SFXN5: variants seen among roughly 807,000 people sequenced by gnomAD.
The protein encoded by SFXN5 is sideroflexin 5, also known as sideroflexin-5.
Under a neutral mutation model 50.2 loss-of-function variants are expected in SFXN5, and 43 were observed. That is an observed-to-expected ratio of 0.86 (90% CI 0.67 to 1.11). SFXN5 has a LOEUF of 1.11. Among genes scored for constraint, SFXN5 ranks in the 50% least tolerant of loss-of-function variants. The pLI is 0.00. For missense variants in SFXN5, 463 were observed against 454.1 expected (o/e 1.02, Z -0.18); for synonymous variants, 203 against 185.8 (o/e 1.09, Z -0.75).
intron 6 of SFXN5, among the ~76,000 whole-genome samples, chr2:73,019,244 G>C (rs543640640): frequency 6.6e-6 from 1 of 152,144 alleles, no homozygotes; most frequent in East Asian, 1.9e-4. Context: ...AAATATAAAA[G>C]TCAGAAAAGT....
At chr2:72,965,744 C>T (rs538248134) in intron 12 of SFXN5, among the ~76,000 whole-genome samples, 2 of 152,288 alleles carry the variant, frequency 1.3e-5, no homozygotes, top group African/African-American at 4.8e-5. Flanking sequence ...AAGTTTAAGC[C>T]CCCAAGTTAA....
intron 13 of SFXN5, among the ~76,000 whole-genome samples, chr2:72,952,107 C>T (rs1573934107): frequency 6.6e-6 from 1 of 152,212 alleles, no homozygotes; most frequent in Non-Finnish European, 1.5e-5. Flanking sequence ...CTGGTGCTGG[C>T]TCTGGGCTCC....
chr2:73,003,312 T>C (rs1674171970), intron 6 of SFXN5, among the ~76,000 whole-genome samples: 1 of 152,224 alleles, frequency 6.6e-6, no homozygotes, highest in Admixed American at 6.5e-5. Context: ...TGGACTACAC[T>C]GTCTTCTCCT....
At position 72,953,726 on chromosome 2, in the gene SFXN5, G is replaced by A. The variant is rs1032537520; in HGVS notation, c.945+7405C>T. ...TCAGGGAGGACTTCCTGGAGGAGGA[G>A]CCATTTCTAGACCAGCTTGAATGTG... is the stretch of plus-strand genomic sequence containing the variant. On this transcript the variant is annotated intron_variant, in intron 13 of 13. Coordinates refer to ENST00000272433, the MANE Select transcript of SFXN5 (RefSeq NM_144579.3). This position sits in a 1 kb window ranked among gnomAD's most constrained non-coding sequence, Gnocchi z 4.1. Among the ~76,000 whole-genome samples the A allele has an allele frequency of 1.3e-5, 2 of 152,154 alleles. No homozygotes were observed. Among genetic ancestry groups the A allele is most frequent in the Non-Finnish European group, 2.9e-5 (2 of 68,006 alleles).
At chr2:73,060,969 G>A (rs1403467952) in intron 1 of SFXN5, among the ~76,000 whole-genome samples, 1 of 151,678 alleles carries the variant, frequency 6.6e-6, no homozygotes, top group Non-Finnish European at 1.5e-5. Flanking sequence ...CCGAAGTGCT[G>A]GGATTACAGG....
chr2:72,953,918 A>G lies in SFXN5; in HGVS notation c.945+7213T>C, dbSNP rs1186957549. Among the ~76,000 whole-genome samples the G allele has an allele frequency of 6.6e-6, 1 of 152,090 alleles. No homozygotes were observed. Among genetic ancestry groups the G allele is most frequent in the Non-Finnish European group, 1.5e-5 (1 of 67,996 alleles). On this transcript the variant is annotated intron_variant, in intron 13 of 13. Transcript: ENST00000272433. This position sits in a 1 kb window ranked among gnomAD's most constrained non-coding sequence, Gnocchi z 4.1. ...TTTTCATCAGGGCTGGTAAGAGGGT[A>G]GAGATAGTGGAGGTTCTGGTACCCA...
At position 73,000,468 on chromosome 2, in the gene SFXN5, T is replaced by C. The variant is rs1673767687; in HGVS notation, c.431A>G (p.Asn144Ser). 6.4e-7 allele frequency: 1 copy of C among 1,560,390 alleles called. No homozygotes were observed. Among genetic ancestry groups the C allele is most frequent in the Admixed American group, 1.9e-5 (1 of 52,086 alleles). Residue 144 changes from asparagine to serine, a missense_variant, in exon 8 of 14, where the codon AAT becomes AGT. Physicochemically the swap from Asn to Ser is conservative, Grantham distance 46. Coordinates refer to ENST00000272433, the MANE Select transcript of SFXN5 (RefSeq NM_144579.3). ...GCGGTTTGCATAGTTGACACAGGCA[T>C]TGTGGCTCTGGTTCAGCCACTGAAA... ...VFWQWLNQSH[N>S]ACVNYANRNA...
Position 72,953,101 on chromosome 2 carries a change from G to A in SFXN5, c.946-8002C>T, listed in dbSNP as rs1018445033. Among the ~76,000 whole-genome samples, 3 of 152,160 alleles carry A rather than the reference G, an allele frequency of 2.0e-5. No homozygotes were observed. Among genetic ancestry groups the A allele is most frequent in the Admixed American group, 2.0e-4 (3 of 15,284 alleles). ...TTCTTGCGTGCACGTGTATGTGTGCGAGCCTGTGTGCACGCGCAGGTTTGG... is the reference window on the plus strand; with the variant it reads ...TTCTTGCGTGCACGTGTATGTGTGCAAGCCTGTGTGCACGCGCAGGTTTGG... On this transcript the variant is annotated intron_variant, in intron 13 of 13. Coordinates refer to ENST00000272433, the MANE Select transcript of SFXN5 (RefSeq NM_144579.3). This position sits in a 1 kb window ranked among gnomAD's most constrained non-coding sequence, Gnocchi z 4.1.
chr2:73,018,781 T>C (rs987071114), intron 6 of SFXN5, among the ~76,000 whole-genome samples: 8 of 152,210 alleles, frequency 5.3e-5, no homozygotes, highest in South Asian at 4.1e-4. Flanking sequence ...ATACCTAAAA[T>C]AGTGTTATGT....
intron 2 of SFXN5, among the ~76,000 whole-genome samples, chr2:73,055,773 C>T (rs865985847): frequency 7.9e-5 from 12 of 152,106 alleles, no homozygotes; most frequent in African/African-American, 2.9e-4. Flanking sequence ...CCCACTACCA[C>T]GCCTGGCTAA....
chr2:72,946,740 C>T (rs918273859), intron 13 of SFXN5, among the ~76,000 whole-genome samples: 1 of 152,180 alleles, frequency 6.6e-6, no homozygotes, highest in African/African-American at 2.4e-5. Context: ...CTCTCCCCGT[C>T]CCTCCCCACA....
rs112968673 is a variant in SFXN5 at position 73,041,125 on chromosome 2, A to G, written c.172-194T>C. Among the ~76,000 whole-genome samples the G allele has an allele frequency of 2.6e-5, 4 of 152,372 alleles. 1 individual carries two copies. Among genetic ancestry groups the G allele is most frequent in the African/African-American group, 9.6e-5 (4 of 41,590 alleles). ...TACTCGGCAGTTTAAAAAATGAAGTAGAGCTACATGTGCTTCCATGGTCAT... is the reference window on the plus strand; with the variant it reads ...TACTCGGCAGTTTAAAAAATGAAGTGGAGCTACATGTGCTTCCATGGTCAT... On this transcript the variant is annotated intron_variant, in intron 2 of 13. Coordinates refer to ENST00000272433, the MANE Select transcript of SFXN5 (RefSeq NM_144579.3).
chr2:72,967,767 CT>C (rs1309969085), intron 12 of SFXN5, among the ~76,000 whole-genome samples: 1 of 152,182 alleles, frequency 6.6e-6, no homozygotes, highest in Non-Finnish European at 1.5e-5. Flanking sequence ...CCCCTGCCCC[CT>C]GCCTTCTCCC....
intron 10 of SFXN5, among the ~76,000 whole-genome samples, chr2:72,978,351 C>G (rs1168714826): frequency 6.7e-6 from 1 of 149,992 alleles, no homozygotes; most frequent in Non-Finnish European, 1.5e-5. Flanking sequence ...GGCACAATCT[C>G]GGCTCACTGC....
intron 3 of SFXN5, among the ~76,000 whole-genome samples, chr2:73,039,776 C>CTATTTTATTTTATTTTATTT (rs56382816): frequency 3.8e-4 from 56 of 145,660 alleles, no homozygotes; most frequent in African/African-American, 1.2e-3. Flanking sequence ...CTTACAAGCA[C>CTATTTTATTTTATTTTATTT]TATTTTATTT....
Position 73,000,507 on chromosome 2 carries a change from G to T in SFXN5, c.412-20C>A, listed in dbSNP as rs1241039715. On this transcript the variant is annotated intron_variant, in intron 7 of 13. Coordinates refer to ENST00000272433, the MANE Select transcript of SFXN5 (RefSeq NM_144579.3). The stretch of plus-strand genomic sequence containing the variant: ...CAGCCACTGAAAGGCAATGATGAGA[G>T]AAGTCAGGGAAGGAGTGGTCACCTC... 7 of 1,554,184 alleles carry T rather than the reference G, an allele frequency of 4.5e-6. No homozygotes were observed. Among genetic ancestry groups the T allele is most frequent in the Non-Finnish European group, 6.1e-6 (7 of 1,148,046 alleles).
At chr2:72,975,715 T>C (rs1340166535) in intron 10 of SFXN5, among the ~76,000 whole-genome samples, 1 of 152,204 alleles carries the variant, frequency 6.6e-6, no homozygotes, top group Non-Finnish European at 1.5e-5. Context: ...CAGCAATCCA[T>C]ACAGAATTTG....
At chr2:73,047,261 T>TACAC (rs1680554676) in intron 2 of SFXN5, among the ~76,000 whole-genome samples, 2 of 75,406 alleles carry the variant, frequency 2.7e-5, no homozygotes, top group African/African-American at 1.1e-4. Flanking sequence ...TATATATATA[T>TACAC]ATATATATAT....
At chr2:73,041,059 G>C in intron 2 of SFXN5, 128 bp from the exon 3 acceptor site, 1 of 602,350 alleles carries the variant, frequency 1.7e-6, no homozygotes, top group Non-Finnish European at 2.8e-6. Context: ...CAGTTCATGG[G>C]ACACACACAA....
Sources: gnomAD v4.1 joint callset for allele counts (sites outside exome capture counted in the v4.1 genomes callset) on GRCh38, gnomAD v4.1.1 for gene constraint, Gnocchi (gnomAD v3.1) non-coding constraint, MANE v1.5 for transcripts, NCBI Gene and HGNC (gene_info 2026-07-23, HGNC 2026-07-21) for gene names.